The following KCTD3 variants were observed in gnomAD, a reference collection of about 807,000 sequenced individuals.
KCTD3 encodes the protein BTB/POZ domain-containing protein KCTD3.
KCTD3 carries 41 observed loss-of-function variants against 85.8 expected under a neutral mutation model. The observed-to-expected ratio is 0.48, with a 90% CI of 0.37 to 0.62. The LOEUF is 0.62. Among genes scored for constraint, KCTD3 ranks in the 20% least tolerant of loss-of-function variants. KCTD3 has a pLI of 0.00. For synonymous variants in KCTD3, 338 were observed against 345.4 expected, an observed-to-expected ratio of 0.98 and a Z score of 0.24; for missense variants, 724 against 989.9, an observed-to-expected ratio of 0.73 and a Z score of 3.60.
At position 215,611,844 on chromosome 1, in the gene KCTD3, C is replaced by T. The variant is rs745792990; in HGVS notation, c.1485C>T (p.Asp495=). 21 of 1,604,270 alleles carry T rather than the reference C, an allele frequency of 1.3e-5. No individual in the cohort carries two copies. Among genetic ancestry groups the T allele is most frequent in the South Asian group, 5.6e-5 (5 of 89,346 alleles). The change falls in exon 15 of 18, where the codon GAC becomes GAT. Residue 495 remains aspartate (D), a synonymous_variant. Transcript: ENST00000259154. ...ATCAAGGACCTTTTGGAGAGCGAGA[C>T]GATCAACAGGTGTTTATCCAGAAAG... ...GNDIGPFGER[D]DQQVFIQKVV...
intron 8 of KCTD3, among the ~76,000 whole-genome samples, chr1:215,582,763 T>C (rs1030069868): frequency 6.6e-6 from 1 of 152,104 alleles, no homozygotes; most frequent in African/African-American, 2.4e-5. Context: ...GGTTTCACCA[T>C]GTTGGCCAGA....
chr1:215,611,517 ATATCT>A lies in KCTD3; in HGVS notation c.1466-305_1466-301del, dbSNP rs1384583084. On this transcript the variant is annotated intron_variant, in intron 14 of 17. Coordinates refer to ENST00000259154, the MANE Select transcript of KCTD3 (RefSeq NM_016121.5). ...CTAAGCACATCCCCAAAGATAGTAA[ATATCT>A]TAACAGGTCTCCTGCTAGTACTGTT... Among the ~76,000 whole-genome samples, 3 of 152,014 alleles carry A rather than the reference ATATCT, an allele frequency of 2.0e-5. No homozygotes were observed. The East Asian group carries it at 5.8e-4, about 29-fold the overall frequency.
intron 14 of KCTD3, among the ~76,000 whole-genome samples, chr1:215,611,563 G>C (rs532608970): frequency 1.3e-4 from 19 of 151,870 alleles, no homozygotes; most frequent in African/African-American, 4.6e-4. Context: ...GGCACCTTAG[G>C]AAATTTTTTC....
At chr1:215,567,918 C>T (rs1307087911) in intron 1 of KCTD3, 150 bp downstream of exon 1, 2 of 467,336 alleles carry the variant, frequency 4.3e-6, no homozygotes, top group East Asian at 3.6e-5. Flanking sequence ...GCAAGAACGT[C>T]GGGCGGATTT....
chr1:215,590,689 T>C (rs1660175979), intron 9 of KCTD3, among the ~76,000 whole-genome samples: 1 of 152,216 alleles, frequency 6.6e-6, no homozygotes, highest in Admixed American at 6.5e-5. Flanking sequence ...ACTTTTTGAT[T>C]CCATTTTCTA....
At chr1:215,577,643 G>A in intron 4 of KCTD3, 27 bp from the exon 5 acceptor site, 3 of 1,502,014 alleles carry the variant, frequency 2.0e-6, no homozygotes, top group Non-Finnish European at 2.8e-6. Context: ...CAGTGTTAGA[G>A]AATTTACATC....
At chr1:215,616,963 A>G (rs1434072871) in intron 15 of KCTD3, among the ~76,000 whole-genome samples, 1 of 152,278 alleles carries the variant, frequency 6.6e-6, no homozygotes, top group Non-Finnish European at 1.5e-5. Flanking sequence ...AGCCCCACCC[A>G]GCAACCTTTG....
intron 15 of KCTD3, chr1:215,617,989 A>G (rs1340199841): frequency 3.0e-6 from 1 of 336,834 alleles, no homozygotes; most frequent in Non-Finnish European, 6.4e-6. Flanking sequence ...AATTGTATAA[A>G]AGCATCTTGC....
intron 13 of KCTD3, among the ~76,000 whole-genome samples, chr1:215,606,329 C>A (rs80141033): frequency 0.01 from 1,555 of 152,212 alleles, 17 homozygotes; most frequent in South Asian, 0.026. Context: ...CTTTCTCTAA[C>A]GGTACCTTGC....
chr1:215,578,652 A>C (rs1659678613), intron 6 of KCTD3, among the ~76,000 whole-genome samples: 1 of 152,196 alleles, frequency 6.6e-6, no homozygotes, highest in African/African-American at 2.4e-5. Flanking sequence ...GTTCTAAAGC[A>C]GTTAAATTAT....
rs577770912 is a variant in KCTD3, at chr1:215,614,018, GTTT to G, written c.1562+2125_1562+2127del. Among the ~76,000 whole-genome samples, 33 of 66,294 alleles carry G rather than the reference GTTT, an allele frequency of 5.0e-4. No individual in the cohort carries two copies. The South Asian group carries it at 0.016, about 32-fold the overall frequency. 43.5% of individuals were successfully genotyped at this position (66,294 alleles called of 152,430 possible). A position where few individuals can be genotyped will look rare whatever the true frequency, so the allele number is the denominator to read the frequency against. On this transcript the variant is annotated intron_variant, in intron 15 of 17. Coordinates refer to ENST00000259154, the MANE Select transcript of KCTD3 (RefSeq NM_016121.5). The stretch of plus-strand genomic sequence containing the variant: ...TTGGTTTCATAGGAACTTTAGAATA[GTTT>G]TTTTTTTTTTTTTTTTTTTTTTTTT...
In KCTD3 at chr1:215,590,302, G is replaced by A. The variant is rs545320989; in HGVS notation, c.817+3617G>A. ...GAGGTTGTCATCCTGTTACTTATTT[G>A]TAAATGTTTTTTACATATTCTAGAT... On this transcript the variant is annotated intron_variant, in intron 9 of 17. Coordinates refer to ENST00000259154, the MANE Select transcript of KCTD3 (RefSeq NM_016121.5). Among the ~76,000 whole-genome samples the A allele has an allele frequency of 3.8e-4, 58 of 152,138 alleles. 1 individual carries two copies. In the Middle Eastern group the frequency reaches 0.02, roughly 54 times the overall value.
chr1:215,607,303 CA>C (rs369440672), intron 13 of KCTD3, among the ~76,000 whole-genome samples: 3 of 150,914 alleles, frequency 2.0e-5, no homozygotes, highest in Non-Finnish European at 3.0e-5. Flanking sequence ...TAAAGCATGC[CA>C]AAAAAAGTAG....
chr1:215,619,367 A>C, intron 17 of KCTD3, 76 bp downstream of exon 17: 2 of 1,230,536 alleles, frequency 1.6e-6, no homozygotes, highest in Non-Finnish European at 2.3e-6. Context: ...GTAATCACAT[A>C]GTTGTTCTAG....
In KCTD3 at chr1:215,620,637, A is replaced by G. The variant is rs1037004231; in HGVS notation, c.*19A>G. 8.0e-6 allele frequency: 12 copies of G among 1,506,208 alleles called. No homozygotes were observed. In the African/African-American group the frequency reaches 1.5e-4, roughly 19 times the overall value. The allele number at this position is 1,506,208 out of a possible 1,614,324, so 93.3% of individuals were successfully genotyped here. A position where few individuals can be genotyped will look rare whatever the true frequency, so the allele number is the denominator to read the frequency against. On this transcript the variant is annotated 3_prime_UTR_variant, in exon 18 of 18. Transcript: ENST00000259154. ...CTTGTGAAAACTCACCAAAATGAAT[A>G]GTTGTTTCGTTACATTTAGATGAAA...
intron 6 of KCTD3, 28 bp from the exon 7 acceptor site, chr1:215,578,972 T>G: frequency 6.8e-7 from 1 of 1,462,194 alleles, no homozygotes; most frequent in Non-Finnish European, 9.2e-7. Flanking sequence ...AACTTAGGAA[T>G]GTATTTGTTT....
chr1:215,579,261 A>G (rs1011759544), intron 7 of KCTD3, 124 bp downstream of exon 7: 5 of 696,416 alleles, frequency 7.2e-6, no homozygotes, highest in Non-Finnish European at 1.2e-5. Context: ...TATCATTTAT[A>G]TCTTGGAAAG....
intron 8 of KCTD3, chr1:215,580,892 G>A (rs1007095282): frequency 4.8e-6 from 2 of 420,410 alleles, no homozygotes; most frequent in Non-Finnish European, 9.7e-6. Flanking sequence ...GGCATGTCTG[G>A]TAAGTGCTGT....
intron 9 of KCTD3, among the ~76,000 whole-genome samples, chr1:215,591,608 G>A (rs1003483712): frequency 3.9e-4 from 59 of 152,196 alleles, no homozygotes; most frequent in Non-Finnish European, 1.2e-4. Flanking sequence ...GCCCGCCTCA[G>A]CCTCCGAAGT....
Sources: allele counts gnomAD v4.1 joint callset (sites outside exome capture counted in the v4.1 genomes callset), GRCh38; gene constraint gnomAD v4.1.1; transcripts MANE v1.5; gene names NCBI Gene and HGNC (gene_info 2026-07-23, HGNC 2026-07-21).